CPED1: variants seen among roughly 807,000 people sequenced by gnomAD.
The protein encoded by CPED1 is cadherin like and PC-esterase domain containing 1.
Under a neutral mutation model 128.2 loss-of-function variants are expected in CPED1, and 114 were observed. The ratio of observed to expected loss-of-function variants is 0.89; its 90% CI spans 0.76 to 1.04. The LOEUF is 1.04. Among genes scored for constraint, CPED1 ranks in the 50% least tolerant of loss-of-function variants. The probability of loss-of-function intolerance (pLI) is 0.00; values close to 1 mark genes in which losing one functional copy is unlikely to be tolerated. For synonymous variants in CPED1, 462 were observed against 426.7 expected (o/e 1.08, Z -1.02); for missense variants, 1,211 against 1,207.1 (o/e 1.00, Z -0.05).
chr7:121,012,889 C>T (rs544946229), intron 2 of CPED1, among the ~76,000 whole-genome samples: 1 of 152,224 alleles, frequency 6.6e-6, no homozygotes, highest in East Asian at 1.9e-4. Context: ...GTAAAAGTTA[C>T]ATTGTTCTTG....
intron 22 of CPED1, among the ~76,000 whole-genome samples, chr7:121,292,083 G>A (rs1245428240): frequency 6.6e-6 from 1 of 151,962 alleles, no homozygotes; most frequent in African/African-American, 2.4e-5. Flanking sequence ...AAGTTCTCCT[G>A]GATAATATCC....
intron 18 of CPED1, among the ~76,000 whole-genome samples, chr7:121,255,672 C>T (rs930993615): frequency 6.6e-6 from 1 of 151,858 alleles, no homozygotes; most frequent in African/African-American, 2.4e-5. Context: ...CTAGAGAATG[C>T]CAAAAGGCTC....
rs1393953273 is a variant in CPED1 at position 121,166,419 on chromosome 7, ATATAT to A, written c.2055+24285_2055+24289del. Among the ~76,000 whole-genome samples the A allele has an allele frequency of 5.3e-5, 8 of 152,352 alleles. No individual in the cohort carries two copies. The South Asian group carries it at 6.2e-4, about 12-fold the overall frequency. On this transcript the variant is annotated intron_variant, in intron 16 of 22. Transcript: ENST00000310396. ...TTATGAAGTATTATACAGATGAGACATATATTATATTTACTTATATATTAGACATA... is the reference window on the plus strand; with the variant it reads ...TTATGAAGTATTATACAGATGAGACATATATTTACTTATATATTAGACATA...
chr7:121,073,143 A>ATTAACACAT (rs1371508351), intron 5 of CPED1, among the ~76,000 whole-genome samples: 2 of 152,224 alleles, frequency 1.3e-5, no homozygotes, highest in African/African-American at 4.8e-5. Context: ...TAAACAGTCA[A>ATTAACACAT]TTAACACATA....
rs1321434369 is a variant in CPED1, at chr7:121,221,854, T to C, written c.2056-14860T>C. Among the ~76,000 whole-genome samples the C allele has an allele frequency of 2.6e-5, 4 of 152,222 alleles. No homozygotes were observed. The East Asian group carries it at 7.7e-4, about 29-fold the overall frequency. On this transcript the variant is annotated intron_variant, in intron 16 of 22. Coordinates refer to ENST00000310396, the MANE Select transcript of CPED1 (RefSeq NM_024913.5). Reference sequence around the variant, plus strand: ...TAAGATCTTTGTAGATTCTGGATATTAGCCCTTTGTCAGATGGGTAGATTG... The same window carrying C: ...TAAGATCTTTGTAGATTCTGGATATCAGCCCTTTGTCAGATGGGTAGATTG...
At chr7:121,250,867 C>A (rs931856720) in intron 18 of CPED1, among the ~76,000 whole-genome samples, 2 of 152,062 alleles carry the variant, frequency 1.3e-5, no homozygotes, top group Admixed American at 6.6e-5. Context: ...GATGGATTCA[C>A]AGCAAAATTC....
At chr7:121,071,678 G>C (rs567928366) in intron 5 of CPED1, among the ~76,000 whole-genome samples, 1 of 152,086 alleles carries the variant, frequency 6.6e-6, no homozygotes, top group South Asian at 2.1e-4. Flanking sequence ...ACCATGCCTG[G>C]CTCATCCAAC....
intron 16 of CPED1, among the ~76,000 whole-genome samples, chr7:121,161,878 T>G (rs1228660070): frequency 6.6e-6 from 1 of 152,200 alleles, no homozygotes; most frequent in African/African-American, 2.4e-5. Flanking sequence ...TAGCAGTTAT[T>G]CAAAAAAAAT....
intron 18 of CPED1, among the ~76,000 whole-genome samples, chr7:121,246,490 GC>G (rs1295100319): frequency 2.0e-5 from 3 of 152,158 alleles, no homozygotes; most frequent in African/African-American, 2.4e-5. Flanking sequence ...TCTGTTGACT[GC>G]CTTCTTGCTT....
At position 120,989,671 on chromosome 7, in the gene CPED1, C is replaced by T. The variant is rs755008351; in HGVS notation, c.50C>T (p.Pro17Leu). Residue 17 changes from proline to leucine, a missense_variant, in exon 2 of 23, where the codon CCC (proline) becomes CTC (leucine). By Grantham distance (98) the Pro-to-Leu change is moderately conservative. Coordinates refer to ENST00000310396, the MANE Select transcript of CPED1 (RefSeq NM_024913.5). ...FPCRRRFCPR[P>L]FLVGLVVAIC... ...TGTCGTCGGCGATTTTGCCCCCGACCCTTCTTGGTGGGCTTAGTGGTGGCA... is the reference window on the plus strand; with the variant it reads ...TGTCGTCGGCGATTTTGCCCCCGACTCTTCTTGGTGGGCTTAGTGGTGGCA... 1.2e-6 allele frequency: 2 copies of T among 1,613,876 alleles called. No homozygotes were observed. The highest frequency in any genetic ancestry group is 1.7e-6 in the Non-Finnish European group (2 of 1,180,020).
intron 7 of CPED1, among the ~76,000 whole-genome samples, chr7:121,112,041 G>A (rs577560511): frequency 1.4e-3 from 209 of 152,216 alleles, no homozygotes; most frequent in Non-Finnish European, 2.0e-3. Context: ...TAGGGCCACT[G>A]GGATGACTTG....
In CPED1 at chr7:120,989,443, A is replaced by G; in HGVS notation, c.-179A>G. 3 of 687,886 alleles carry G rather than the reference A, an allele frequency of 4.4e-6. No homozygotes were observed. Among genetic ancestry groups the G allele is most frequent in the Admixed American group, 2.9e-5 (1 of 33,978 alleles). 42.6% of individuals were successfully genotyped at this position (687,886 alleles called of 1,614,324 possible). ...GAAGAGCTCTTATTAAAAGCCTCAG[A>G]CTTTCGGGACCTATGATTCTTTGGC... On this transcript the variant is annotated 5_prime_UTR_variant, in exon 2 of 23. Coordinates refer to ENST00000310396, the MANE Select transcript of CPED1 (RefSeq NM_024913.5).
chr7:121,159,996 A>T (rs899384169), intron 16 of CPED1, among the ~76,000 whole-genome samples: 1 of 152,232 alleles, frequency 6.6e-6, no homozygotes, highest in African/African-American at 2.4e-5. Flanking sequence ...ATTTTTGCAT[A>T]TATAATTTTT....
At chr7:121,146,188 G>A (rs945385313) in intron 16 of CPED1, among the ~76,000 whole-genome samples, 4 of 152,044 alleles carry the variant, frequency 2.6e-5, no homozygotes, top group African/African-American at 9.7e-5. Flanking sequence ...GAGGTTCTTC[G>A]TGCTGCATCC....
At chr7:121,216,110 A>G (rs941901745) in intron 16 of CPED1, among the ~76,000 whole-genome samples, 2 of 151,984 alleles carry the variant, frequency 1.3e-5, no homozygotes, top group African/African-American at 4.8e-5. Flanking sequence ...AACTTTCTAG[A>G]TAGTTAGGTT....
At chr7:121,152,403 G>C (rs544841059) in intron 16 of CPED1, among the ~76,000 whole-genome samples, 1 of 152,238 alleles carries the variant, frequency 6.6e-6, no homozygotes, top group South Asian at 2.1e-4. Flanking sequence ...GAAATAACAG[G>C]GAGGGAGAAA....
At chr7:121,189,374 AAGG>A (rs1438331818) in intron 16 of CPED1, among the ~76,000 whole-genome samples, 7 of 152,130 alleles carry the variant, frequency 4.6e-5, no homozygotes, top group Non-Finnish European at 1.0e-4. Context: ...ATCATGGCAG[AAGG>A]AGAAGGGAAA....
intron 16 of CPED1, among the ~76,000 whole-genome samples, chr7:121,194,157 C>A (rs529325046): frequency 6.7e-6 from 1 of 149,200 alleles, no homozygotes; most frequent in African/African-American, 2.5e-5. Context: ...AAGCAATTCT[C>A]CTGCCTCAGC....
Position 121,017,237 on chromosome 7 carries a change from A to G in CPED1, c.433+1389A>G, listed in dbSNP as rs192494181. On this transcript the variant is annotated intron_variant, in intron 3 of 22. Transcript: ENST00000310396. ...ACTGCCTTCTAGGAGTAGTGTGGAAATCTAAAGCACTGAGCTTCTGGGAGC... is the reference window on the plus strand; with the variant it reads ...ACTGCCTTCTAGGAGTAGTGTGGAAGTCTAAAGCACTGAGCTTCTGGGAGC... 6.6e-5 allele frequency among the ~76,000 whole-genome samples: 10 copies of G among 152,274 alleles called. No homozygotes were observed. In the East Asian group the frequency reaches 1.7e-3, roughly 26 times the overall value.
Sources: allele counts gnomAD v4.1 joint callset (sites outside exome capture counted in the v4.1 genomes callset), GRCh38; gene constraint gnomAD v4.1.1; transcripts MANE v1.5; gene names NCBI Gene and HGNC (gene_info 2026-07-23, HGNC 2026-07-21).